SERP2: variants seen among roughly 807,000 people sequenced by gnomAD.
SERP2 encodes stress associated endoplasmic reticulum protein family member 2.
Under a neutral mutation model 9.1 loss-of-function variants are expected in SERP2, and 6 were observed. The observed-to-expected ratio is 0.66, with a 90% confidence interval of 0.36 to 1.30. The LOEUF (loss-of-function observed/expected upper bound fraction) is 1.30. Ranked by LOEUF, SERP2 falls within the 50% of genes most tolerant of loss-of-function variation. The probability of loss-of-function intolerance (pLI) is 0.03; values close to 1 mark genes in which losing one functional copy is unlikely to be tolerated. For missense variants in SERP2, 58 were observed against 81.9 expected (o/e 0.71, Z 1.13); for synonymous variants, 37 against 27.3 (o/e 1.35, Z -1.10).
At chr13:44,388,269 TG>T (rs2138791189) in intron 2 of SERP2, among the ~76,000 whole-genome samples, 1 of 21,320 alleles carries the variant, frequency 4.7e-5, no homozygotes, top group Admixed American at 3.9e-4. Flanking sequence ...TTTGTATATG[TG>T]GGTTTTTTTG....
chr13:44,375,695 G>A (rs1211534171), intron 1 of SERP2, among the ~76,000 whole-genome samples: 2 of 152,102 alleles, frequency 1.3e-5, no homozygotes, highest in Non-Finnish European at 2.9e-5. Flanking sequence ...CTAAAAAACC[G>A]GAGTTCAGTT....
intron 2 of SERP2, among the ~76,000 whole-genome samples, chr13:44,385,176 G>T (rs986456749): frequency 1.3e-5 from 2 of 152,244 alleles, no homozygotes; most frequent in East Asian, 3.8e-4. Flanking sequence ...ATAGACAGTT[G>T]TGGGTCACTG....
chr13:44,373,750 C>T (rs753127380), upstream of SERP2: 1 of 400,992 alleles, frequency 2.5e-6, no homozygotes. The surrounding 1 kb of genome is among the most constrained non-coding windows in gnomAD (Gnocchi z 4.8). Flanking sequence ...CCTCGGTGGC[C>T]GCGCGGGGTA....
intron 2 of SERP2, 86 bp from the exon 3 acceptor site, chr13:44,397,186 G>A (rs887354340): frequency 9.7e-7 from 1 of 1,026,162 alleles, no homozygotes; most frequent in Non-Finnish European, 1.6e-6. Flanking sequence ...AGGGCCCAGG[G>A]GTCTGCAGAA....
chr13:44,397,102 AAAG>A (rs1197868551), intron 2 of SERP2, among the ~76,000 whole-genome samples, 167 bp from the exon 3 acceptor site: 2 of 152,114 alleles, frequency 1.3e-5, no homozygotes, highest in Admixed American at 6.5e-5. Context: ...CTGCCTTTTT[AAAG>A]AAGTTCACTG....
intron 2 of SERP2, among the ~76,000 whole-genome samples, chr13:44,381,612 G>A (rs1595050083): frequency 1.3e-5 from 2 of 152,234 alleles, no homozygotes; most frequent in East Asian, 3.8e-4. Flanking sequence ...AGAGGCAGTA[G>A]GATTGTCACT....
chr13:44,374,087 G>A lies in SERP2; in HGVS notation c.62G>A (p.Arg21Lys). Reference sequence around the variant, plus strand: ...AAGCACAGCAAAAACATCACCCAGAGGGGGAACGTAGCCAAAACCCTGGTA... The same window carrying A: ...AAGCACAGCAAAAACATCACCCAGAAGGGGAACGTAGCCAAAACCCTGGTA... The part of the protein sequence containing the change: ...NEKHSKNITQ[R>K]GNVAKTLRPQ... Residue 21 changes from arginine to lysine, a missense_variant, in exon 1 of 3, where the codon AGG becomes AAG. By Grantham distance (26) the Arg-to-Lys change is conservative. Transcript: ENST00000379179. The A allele has an allele frequency of 6.3e-7, 1 of 1,581,500 alleles. No homozygotes were observed. Among genetic ancestry groups the A allele is most frequent in the African/African-American group, 1.4e-5 (1 of 71,280 alleles).
At position 44,397,414 on chromosome 13, in the gene SERP2, G is replaced by C; in HGVS notation, c.*102G>C. The C allele has an allele frequency of 5.6e-6, 5 of 891,142 alleles. No individual in the cohort carries two copies. Among genetic ancestry groups the C allele is most frequent in the Non-Finnish European group, 9.1e-6 (5 of 547,610 alleles). The allele number at this position is 891,142 out of a possible 1,614,324, so 55.2% of individuals were successfully genotyped here. A position where few individuals can be genotyped will look rare whatever the true frequency, so the allele number is the denominator to read the frequency against. On this transcript the variant is annotated 3_prime_UTR_variant, in exon 3 of 3. Transcript: ENST00000379179. Reference sequence around the variant, plus strand: ...GGAAACAAGCAGGCCACACGGAATAGAAAAAAACGCTCCCCCACTTGTTCC... The same window carrying C: ...GGAAACAAGCAGGCCACACGGAATACAAAAAAACGCTCCCCCACTTGTTCC...
At chr13:44,379,601 G>C in intron 1 of SERP2, 40 bp from the exon 2 acceptor site, 1 of 1,451,548 alleles carries the variant, frequency 6.9e-7, no homozygotes, top group Non-Finnish European at 9.6e-7. Context: ...TGTTTATTGA[G>C]TCAATGAACC....
At chr13:44,385,577 C>A (rs1187993954) in intron 2 of SERP2, among the ~76,000 whole-genome samples, 1 of 152,174 alleles carries the variant, frequency 6.6e-6, no homozygotes, top group African/African-American at 2.4e-5. Flanking sequence ...TCCATGATTG[C>A]AAAAGTTGTC....
rs139223557 is a variant in SERP2, at chr13:44,397,134, T to A, written c.158-138T>A. 1.0e-5 allele frequency: 7 copies of A among 698,482 alleles called. No homozygotes were observed. In the African/African-American group the frequency reaches 1.2e-4, roughly 12 times the overall value. 43.3% of individuals were successfully genotyped at this position (698,482 alleles called of 1,614,324 possible). The stretch of plus-strand genomic sequence containing the variant: ...TTCACTGACCTCTTGTTAACTTAAC[T>A]CCTTGTTAGGAAATATCTAATCAGC... On this transcript the variant is annotated intron_variant, in intron 2 of 2. Transcript: ENST00000379179.
chr13:44,373,947 C>T lies in SERP2; in HGVS notation c.-79C>T. The T allele has an allele frequency of 1.5e-6, 2 of 1,357,636 alleles. No individual in the cohort carries two copies. Among genetic ancestry groups the T allele is most frequent in the Non-Finnish European group, 2.0e-6 (2 of 987,764 alleles). The allele number at this position is 1,357,636 out of a possible 1,614,324, so 84.1% of individuals were successfully genotyped here. Reference sequence around the variant, plus strand: ...CCCGGGTGGGCCGCGGGGGCCTCGGCGGGACGCGCTCGGCCCTGTCGCAGG... The same window carrying T: ...CCCGGGTGGGCCGCGGGGGCCTCGGTGGGACGCGCTCGGCCCTGTCGCAGG... On this transcript the variant is annotated 5_prime_UTR_variant, in exon 1 of 3. Coordinates refer to ENST00000379179, the MANE Select transcript of SERP2 (RefSeq NM_001010897.3). This position sits in a 1 kb window ranked among gnomAD's most constrained non-coding sequence, Gnocchi z 4.8.
chr13:44,393,559 C>T (rs1271124390), intron 2 of SERP2, among the ~76,000 whole-genome samples: 1 of 152,156 alleles, frequency 6.6e-6, no homozygotes. Flanking sequence ...GCTGTCCCTC[C>T]CTTTCTTGGC....
rs530179422 is a variant in SERP2 at position 44,373,853 on chromosome 13, G to C, written c.-173G>C. On this transcript the variant is annotated 5_prime_UTR_variant, in exon 1 of 3. Transcript: ENST00000379179. The surrounding 1 kb of genome is among the most constrained non-coding windows in gnomAD (Gnocchi z 4.8). Reference sequence around the variant, plus strand: ...CCGTCCGGGCTGCGGCCTCTCTCTGGAGTCGGCTAGCCGGGGCTCGGGGAG... The same window carrying C: ...CCGTCCGGGCTGCGGCCTCTCTCTGCAGTCGGCTAGCCGGGGCTCGGGGAG... The C allele has an allele frequency of 1.9e-4, 105 of 553,754 alleles. No individual in the cohort carries two copies. The South Asian group carries it at 2.5e-3, about 13-fold the overall frequency. 34.3% of individuals were successfully genotyped at this position (553,754 alleles called of 1,614,324 possible).
intron 1 of SERP2, among the ~76,000 whole-genome samples, chr13:44,375,349 A>C (rs2138775601): frequency 6.6e-6 from 1 of 152,228 alleles, no homozygotes; most frequent in African/African-American, 2.4e-5. Context: ...CACAAGTCTA[A>C]GCATAACTCA....
intron 2 of SERP2, among the ~76,000 whole-genome samples, chr13:44,389,046 C>A (rs771851635): frequency 6.6e-6 from 1 of 152,196 alleles, no homozygotes. Context: ...TGTCTTTGAG[C>A]CCAAAGGTTG....
intron 1 of SERP2, among the ~76,000 whole-genome samples, chr13:44,376,724 G>A (rs1466011993): frequency 2.0e-5 from 3 of 151,772 alleles, no homozygotes; most frequent in Non-Finnish European, 4.4e-5. Flanking sequence ...GCAGTCAGCC[G>A]AGATCACGCC....
chr13:44,382,436 CAAAAAAAAA>C (rs71202274), intron 2 of SERP2, among the ~76,000 whole-genome samples: 2 of 45,666 alleles, frequency 4.4e-5, no homozygotes, highest in African/African-American at 1.0e-4. Context: ...GACTCCGTCT[CAAAAAAAAA>C]AAAAAAAAAA....
At chr13:44,389,757 C>T (rs759839886) in intron 2 of SERP2, among the ~76,000 whole-genome samples, 42 of 152,222 alleles carry the variant, frequency 2.8e-4, no homozygotes, top group Non-Finnish European at 5.1e-4. Flanking sequence ...ATAGCTAGAA[C>T]CTCTCTAAGT....
Sources: gnomAD v4.1 joint callset for allele counts (sites outside exome capture counted in the v4.1 genomes callset) on GRCh38, gnomAD v4.1.1 for gene constraint, Gnocchi (gnomAD v3.1) non-coding constraint, MANE v1.5 for transcripts, NCBI Gene and HGNC (gene_info 2026-07-23, HGNC 2026-07-21) for gene names.